Variants in WLS observed in about 807,000 individuals in gnomAD.
The protein encoded by WLS is protein wntless homolog.
In WLS, 23 loss-of-function variants were observed where a neutral mutation model predicts 62.8. The ratio of observed to expected loss-of-function variants is 0.37; its 90% confidence interval spans 0.26 to 0.52. WLS has a LOEUF of 0.52. Ranked by LOEUF, WLS falls within the 20% of genes least tolerant of loss-of-function variation. The pLI is 0.92. For missense variants in WLS, 615 were observed against 697.3 expected, an observed-to-expected ratio of 0.88 and a Z score of 1.33; for synonymous variants, 246 against 244.1, an observed-to-expected ratio of 1.01 and a Z score of -0.07.
At chr1:68,163,585 C>G (rs1647017663) in intron 2 of WLS, among the ~76,000 whole-genome samples, 1 of 149,460 alleles carries the variant, frequency 6.7e-6, no homozygotes, top group Non-Finnish European at 1.5e-5. Flanking sequence ...CTCCCTCCCT[C>G]CGCTACCCCG....
chr1:68,100,991 T>TAA (rs1206144012), intron 11 of WLS, among the ~76,000 whole-genome samples: 1 of 152,206 alleles, frequency 6.6e-6, no homozygotes, highest in Non-Finnish European at 1.5e-5. Flanking sequence ...GCTGAATATG[T>TAA]AAACATAAAC....
intron 11 of WLS, chr1:68,098,930 T>C: frequency 1.0e-6 from 1 of 974,398 alleles, no homozygotes; most frequent in Non-Finnish European, 1.4e-6. Flanking sequence ...TTTGCAGATT[T>C]CTCCCTTGCC....
chr1:68,121,471 C>CT (rs1437779426), downstream of WLS, among the ~76,000 whole-genome samples: 1 of 152,154 alleles, frequency 6.6e-6, no homozygotes, highest in Admixed American at 6.5e-5. Context: ...GCTCTGAACA[C>CT]TTCAAGACAT....
chr1:68,139,965 C>G (rs1338021286), intron 10 of WLS, among the ~76,000 whole-genome samples: 2 of 152,218 alleles, frequency 1.3e-5, no homozygotes, highest in Non-Finnish European at 2.9e-5. Flanking sequence ...TAAAACATTG[C>G]TTTCCGTTAT....
At chr1:68,116,944 G>A (rs967396640) in intron 11 of WLS, among the ~76,000 whole-genome samples, 3 of 152,138 alleles carry the variant, frequency 2.0e-5, no homozygotes, top group Admixed American at 6.5e-5. Flanking sequence ...GAAATAAAAG[G>A]TTGCCATGAA....
intron 2 of WLS, among the ~76,000 whole-genome samples, chr1:68,164,220 G>A (rs1280110197): frequency 2.6e-5 from 4 of 151,536 alleles, no homozygotes; most frequent in African/African-American, 7.3e-5. Context: ...AATCACAAGG[G>A]GAAAAAACTA....
chr1:68,218,446 C>T (rs186297275), intron 1 of WLS, among the ~76,000 whole-genome samples: 200 of 152,170 alleles, frequency 1.3e-3, no homozygotes, highest in Non-Finnish European at 2.5e-3. Flanking sequence ...AGGCAAAGAC[C>T]TTTTATGCCA....
intron 5 of WLS, 42 bp downstream of exon 5, chr1:68,153,475 G>T (rs139650494): frequency 2.3e-4 from 366 of 1,611,928 alleles, no homozygotes; most frequent in Admixed American, 4.2e-4. Flanking sequence ...CAGATCATGA[G>T]AAGCCAGTAT....
chr1:68,125,654 G>T lies in WLS; in HGVS notation c.*572C>A, dbSNP rs1646418919. ...CCCCTGGTGGAATAAATCTTCTCATGAAATTCAGTTATATTATGCCACAAA... is the reference window on the plus strand; with the variant it reads ...CCCCTGGTGGAATAAATCTTCTCATTAAATTCAGTTATATTATGCCACAAA... On this transcript the variant is annotated 3_prime_UTR_variant, in exon 12 of 12. Coordinates refer to ENST00000262348, the MANE Select transcript of WLS (RefSeq NM_024911.7). The T allele has an allele frequency of 8.1e-6, 8 of 985,498 alleles. No homozygotes were observed. Among genetic ancestry groups the T allele is most frequent in the Non-Finnish European group, 9.6e-6 (8 of 830,034 alleles). The allele number at this position is 985,498 out of a possible 1,614,324, so 61.0% of individuals were successfully genotyped here.
chr1:68,148,528 C>T (rs1458111277), intron 7 of WLS, 35 bp downstream of exon 7: 2 of 1,600,350 alleles, frequency 1.2e-6, no homozygotes, highest in African/African-American at 1.3e-5. Context: ...TGGTGATGCA[C>T]AGTTTGGCTC....
chr1:68,150,580 C>G (rs1646812730), intron 5 of WLS, among the ~76,000 whole-genome samples: 1 of 152,186 alleles, frequency 6.6e-6, no homozygotes, highest in African/African-American at 2.4e-5. Flanking sequence ...ACCTGACCTC[C>G]TTAATGCCTC....
At chr1:68,155,004 C>T in intron 4 of WLS, 95 bp downstream of exon 4, 1 of 1,308,542 alleles carries the variant, frequency 7.6e-7, no homozygotes, top group Non-Finnish European at 1.0e-6. Context: ...TTATTATTCC[C>T]ATTTCTCAGA....
At chr1:68,113,866 T>C (rs1409522219) in intron 11 of WLS, among the ~76,000 whole-genome samples, 1 of 152,194 alleles carries the variant, frequency 6.6e-6, no homozygotes, top group Admixed American at 6.5e-5. Flanking sequence ...AGAACGATAA[T>C]GTGCATTTGA....
At chr1:68,185,432 G>A (rs1647869689) in intron 2 of WLS, among the ~76,000 whole-genome samples, 1 of 152,178 alleles carries the variant, frequency 6.6e-6, no homozygotes, top group African/African-American at 2.4e-5. Context: ...CAGCAGACAG[G>A]TACCAGTCAG....
chr1:68,195,554 C>A (rs1406416016), intron 1 of WLS, among the ~76,000 whole-genome samples: 1 of 152,088 alleles, frequency 6.6e-6, no homozygotes, highest in Non-Finnish European at 1.5e-5. Context: ...CCAAAATCAA[C>A]TTCTCCTTCA....
intron 11 of WLS, among the ~76,000 whole-genome samples, chr1:68,109,087 C>G (rs531442609): frequency 3.0e-4 from 45 of 152,320 alleles, no homozygotes; most frequent in African/African-American, 1.0e-3. Context: ...ACCTTCACCC[C>G]CAACAAAGAC....
chr1:68,125,066 T>TTA (rs919137617), downstream of WLS, among the ~76,000 whole-genome samples: 10 of 152,268 alleles, frequency 6.6e-5, no homozygotes, highest in African/African-American at 2.4e-4. Context: ...AGTGCAAGTG[T>TTA]TAAAATACAA....
intron 11 of WLS, chr1:68,098,898 C>CTG: frequency 8.0e-7 from 1 of 1,254,240 alleles, no homozygotes; most frequent in Non-Finnish European, 1.1e-6. Context: ...TTGTTTAGGA[C>CTG]TGTGTCCTTC....
At chr1:68,131,426 C>T (rs1646522770) in intron 11 of WLS, among the ~76,000 whole-genome samples, 1 of 151,950 alleles carries the variant, frequency 6.6e-6, no homozygotes, top group African/African-American at 2.4e-5. Context: ...CTTGGGATAG[C>T]TCAGCTTTGA....
Sources: gnomAD v4.1 joint callset for allele counts (sites outside exome capture counted in the v4.1 genomes callset) on GRCh38, gnomAD v4.1.1 for gene constraint, MANE v1.5 for transcripts, NCBI Gene and HGNC (gene_info 2026-07-23, HGNC 2026-07-21) for gene names.